The following SMYD2 variants were observed in gnomAD, a reference collection of about 807,000 sequenced individuals.
The protein encoded by SMYD2 is SET and MYND domain containing 2, also known as N-lysine methyltransferase SMYD2.
SMYD2 carries 53 observed loss-of-function variants against 59.1 expected under a neutral mutation model. The observed-to-expected ratio is 0.90, with a 90% confidence interval of 0.72 to 1.13. The LOEUF (loss-of-function observed/expected upper bound fraction) is 1.13, where lower values mean the gene tolerates loss of function less well. SMYD2 is among the 50% of genes most tolerant of loss of function. The pLI, the probability that SMYD2 is intolerant of heterozygous loss-of-function variation, is 0.00. For missense variants in SMYD2, 494 were observed against 544.7 expected (o/e 0.91, Z 0.93); for synonymous variants, 208 against 198.8 (o/e 1.05, Z -0.39).
chr1:214,327,831 G>A, intron 7 of SMYD2, 107 bp downstream of exon 7: 1 of 916,522 alleles, frequency 1.1e-6, no homozygotes, highest in Non-Finnish European at 1.7e-6. Context: ...AGTTGTGAAT[G>A]CCTCCAGCAG....
At position 214,298,333 on chromosome 1, in the gene SMYD2, G is replaced by A. The variant is rs556556800; in HGVS notation, c.174-6854G>A. On this transcript the variant is annotated intron_variant, in intron 1 of 11. Coordinates refer to ENST00000366957, the MANE Select transcript of SMYD2 (RefSeq NM_020197.3). ...ACTCCCTATTCAATAAATGGTGCTGGGATGACTGGCTAGCCATATGCAGAA... is the reference window on the plus strand; with the variant it reads ...ACTCCCTATTCAATAAATGGTGCTGAGATGACTGGCTAGCCATATGCAGAA... Among the ~76,000 whole-genome samples the A allele has an allele frequency of 5.3e-5, 8 of 152,256 alleles. No individual in the cohort carries two copies. The South Asian group carries it at 1.2e-3, about 24-fold the overall frequency.
intron 2 of SMYD2, among the ~76,000 whole-genome samples, chr1:214,309,486 T>C (rs10864093): frequency 6.6e-6 from 1 of 152,036 alleles, no homozygotes; most frequent in East Asian, 1.9e-4. Flanking sequence ...CTCTAATGAA[T>C]GTAAAGAAGA....
chr1:214,310,538 G>C (rs1383443264), intron 2 of SMYD2, among the ~76,000 whole-genome samples: 1 of 132,586 alleles, frequency 7.5e-6, no homozygotes, highest in Admixed American at 8.0e-5. Context: ...TGAGATCCTA[G>C]TTTACAGAAA....
intron 1 of SMYD2, among the ~76,000 whole-genome samples, chr1:214,302,791 G>A (rs905633362): frequency 1.3e-5 from 2 of 152,186 alleles, no homozygotes; most frequent in Non-Finnish European, 2.9e-5. Flanking sequence ...CTGCAAACAA[G>A]TGTTGGTTTC....
chr1:214,304,333 T>C (rs1190189143), intron 1 of SMYD2, among the ~76,000 whole-genome samples: 2 of 151,918 alleles, frequency 1.3e-5, no homozygotes, highest in African/African-American at 4.8e-5. Flanking sequence ...CTGAGGCAGG[T>C]GGATGGCTTG....
intron 1 of SMYD2, among the ~76,000 whole-genome samples, chr1:214,295,354 T>G (rs375544828): frequency 3.3e-5 from 5 of 152,218 alleles, no homozygotes; most frequent in African/African-American, 4.8e-5. Context: ...GTTCACTGTT[T>G]CACAGGCTAA....
In SMYD2 at chr1:214,334,180, T is replaced by TCA. The variant is rs1657400276; in HGVS notation, c.1113-20_1113-19insCA. Reference sequence around the variant, plus strand: ...AGTAGCCGCTGACATGGTGGCCTGTTGTCTCTTCTCTTGTTCTAGTAAGCA... The same window carrying TCA: ...AGTAGCCGCTGACATGGTGGCCTGTTCAGTCTCTTCTCTTGTTCTAGTAAGCA... On this transcript the variant is annotated intron_variant, in intron 10 of 11. Transcript: ENST00000366957. 1.9e-6 allele frequency: 3 copies of TCA among 1,608,890 alleles called. No individual in the cohort carries two copies. The highest frequency in any genetic ancestry group is 2.6e-6 in the Non-Finnish European group (3 of 1,175,932).
At chr1:214,322,754 A>T (rs1257145222) in intron 5 of SMYD2, among the ~76,000 whole-genome samples, 1 of 152,208 alleles carries the variant, frequency 6.6e-6, no homozygotes, top group Non-Finnish European at 1.5e-5. Flanking sequence ...TATCATTTAC[A>T]TATCCTTGAG....
chr1:214,306,806 C>T (rs188172268), intron 2 of SMYD2, among the ~76,000 whole-genome samples: 181 of 152,332 alleles, frequency 1.2e-3, no homozygotes, highest in African/African-American at 4.3e-3. Flanking sequence ...TCAGATCATA[C>T]AGCATGGAGT....
At chr1:214,299,453 A>G (rs991830360) in intron 1 of SMYD2, among the ~76,000 whole-genome samples, 1 of 116,002 alleles carries the variant, frequency 8.6e-6, no homozygotes, top group African/African-American at 3.3e-5. Flanking sequence ...AGTGAACTGG[A>G]TAAAGAAAAC....
At chr1:214,330,626 A>AT (rs1399260864) in intron 8 of SMYD2, among the ~76,000 whole-genome samples, 1 of 152,194 alleles carries the variant, frequency 6.6e-6, no homozygotes, top group Non-Finnish European at 1.5e-5. Context: ...TTTCCCTGGC[A>AT]TTTTCCAAAT....
intron 1 of SMYD2, among the ~76,000 whole-genome samples, chr1:214,297,186 A>G (rs1656745581): frequency 6.7e-6 from 1 of 148,474 alleles, no homozygotes; most frequent in Admixed American, 6.6e-5. Context: ...CCTGGGCCCA[A>G]CACATACCAA....
In SMYD2 at chr1:214,318,990, A is replaced by G. The variant is rs1253258586; in HGVS notation, c.534+7A>G. 2 of 1,613,610 alleles carry G rather than the reference A, an allele frequency of 1.2e-6. No individual in the cohort carries two copies. Among genetic ancestry groups the G allele is most frequent in the Non-Finnish European group, 1.7e-6 (2 of 1,179,810 alleles). On this transcript the variant is annotated splice_region_variant and intron_variant, in intron 5 of 11. Transcript: ENST00000366957. The surrounding 1 kb of genome is among the most constrained non-coding windows in gnomAD (Gnocchi z 5.4). ...CGTAGTACTCTTTGCACAGGTAAGG[A>G]CGCTGGCAGCAGGTAACACTCAGTC...
intron 7 of SMYD2, among the ~76,000 whole-genome samples, chr1:214,328,452 G>A (rs1388409109): frequency 2.2e-5 from 3 of 139,252 alleles, no homozygotes; most frequent in South Asian, 2.3e-4. Flanking sequence ...CTTCCCATGT[G>A]TGATTCCTGA....
intron 6 of SMYD2, among the ~76,000 whole-genome samples, chr1:214,325,395 C>T (rs1276792230): frequency 6.6e-6 from 1 of 152,224 alleles, no homozygotes; most frequent in Non-Finnish European, 1.5e-5. Context: ...CCTTGCTTCA[C>T]AGATAGAGCC....
intron 10 of SMYD2, 107 bp downstream of exon 10, chr1:214,332,299 C>G: frequency 7.6e-7 from 1 of 1,323,618 alleles, no homozygotes; most frequent in African/African-American, 1.5e-5. Flanking sequence ...CCTAGCGCAG[C>G]TGCCTCTTCT....
chr1:214,289,083 G>C (rs908049262), intron 1 of SMYD2, among the ~76,000 whole-genome samples: 3 of 152,078 alleles, frequency 2.0e-5, no homozygotes, highest in African/African-American at 7.2e-5. Context: ...CAGGCAAGTT[G>C]CACACCACCT....
chr1:214,329,305 C>G (rs901057102), intron 7 of SMYD2, among the ~76,000 whole-genome samples: 2 of 152,182 alleles, frequency 1.3e-5, no homozygotes, highest in African/African-American at 4.8e-5. Flanking sequence ...CAGCCCTGTG[C>G]GTGTCCTCCC....
At chr1:214,327,778 A>G in intron 7 of SMYD2, 54 bp downstream of exon 7, 1 of 1,449,878 alleles carries the variant, frequency 6.9e-7, no homozygotes, top group Non-Finnish European at 9.7e-7. Context: ...TGCTCTTTAA[A>G]AGGCAATGTG....
Sources: allele counts gnomAD v4.1 joint callset (sites outside exome capture counted in the v4.1 genomes callset), GRCh38; gene constraint gnomAD v4.1.1; non-coding constraint Gnocchi (gnomAD v3.1); transcripts MANE v1.5; gene names NCBI Gene and HGNC (gene_info 2026-07-23, HGNC 2026-07-21).